Variants in AGAP1 observed in about 807,000 individuals in gnomAD.
The protein encoded by AGAP1 is arf-GAP with GTPase, ANK repeat and PH domain-containing protein 1.
In AGAP1, 29 loss-of-function variants were observed where a neutral mutation model predicts 105.3. The ratio of observed to expected loss-of-function variants is 0.28; its 90% confidence interval spans 0.21 to 0.38. The LOEUF is 0.38. Ranked by LOEUF, AGAP1 falls within the 10% of genes least tolerant of loss-of-function variation. The probability of loss-of-function intolerance (pLI) is 1.00; values close to 1 mark genes in which losing one functional copy is unlikely to be tolerated. For synonymous variants in AGAP1, 509 were observed against 485.9 expected (o/e 1.05, Z -0.63); for missense variants, 998 against 1,165.1 (o/e 0.86, Z 2.09).
At chr2:235,638,487 G>A (rs966015181) in intron 1 of AGAP1, among the ~76,000 whole-genome samples, 8 of 152,180 alleles carry the variant, frequency 5.3e-5, no homozygotes, top group African/African-American at 1.7e-4. Flanking sequence ...TCACAATGGC[G>A]ATGGAAAATG....
At chr2:236,048,300 T>G (rs926392960) in intron 15 of AGAP1, among the ~76,000 whole-genome samples, 2 of 152,300 alleles carry the variant, frequency 1.3e-5, no homozygotes, top group Admixed American at 1.3e-4. Context: ...AGTTCTGGGG[T>G]CCCAGTGCTG....
intron 1 of AGAP1, among the ~76,000 whole-genome samples, chr2:235,593,884 A>T (rs944984334): frequency 6.6e-6 from 1 of 152,124 alleles, no homozygotes; most frequent in Non-Finnish European, 1.5e-5. Flanking sequence ...TAGGAGGATC[A>T]CTTGAGCCCC....
chr2:235,657,880 A>G (rs1393514767), intron 1 of AGAP1, among the ~76,000 whole-genome samples: 2 of 152,196 alleles, frequency 1.3e-5, no homozygotes, highest in African/African-American at 4.8e-5. Flanking sequence ...TGTCCTTATA[A>G]GAAGAGGAGA....
chr2:235,915,356 A>T (rs2051821763), intron 11 of AGAP1, among the ~76,000 whole-genome samples: 1 of 152,232 alleles, frequency 6.6e-6, no homozygotes, highest in South Asian at 2.1e-4. Flanking sequence ...GTTATTAATG[A>T]TACTCATAAA....
rs536808644 is a variant in AGAP1 at position 236,009,590 on chromosome 2, C to T, written c.1646-26971C>T. Among the ~76,000 whole-genome samples the T allele has an allele frequency of 8.1e-4, 124 of 152,256 alleles. 1 individual carries two copies. The highest frequency in any genetic ancestry group is 6.8e-3 in the Middle Eastern group (2 of 294). ...TTCTTAGAGGTACAAATTTACGCTC[C>T]CTTCTATGAATAGAGAGGGCTATTT... is the stretch of plus-strand genomic sequence containing the variant. On this transcript the variant is annotated intron_variant, in intron 13 of 17. Coordinates refer to ENST00000304032, the MANE Select transcript of AGAP1 (RefSeq NM_001037131.3). The surrounding 1 kb of genome is among the most constrained non-coding windows in gnomAD (Gnocchi z 4.2).
At chr2:235,644,774 C>G (rs982516087) in intron 1 of AGAP1, among the ~76,000 whole-genome samples, 3 of 152,122 alleles carry the variant, frequency 2.0e-5, no homozygotes, top group Non-Finnish European at 4.4e-5. Context: ...GATTGGGAAC[C>G]CCTGTTACTG....
Position 236,130,542 on chromosome 2 carries a change from C to T in AGAP1, c.*6420C>T, listed in dbSNP as rs915247798. 1.3e-5 allele frequency: 2 copies of T among 152,172 alleles called. No individual in the cohort carries two copies. The highest frequency in any genetic ancestry group is 4.8e-5 in the African/African-American group (2 of 41,406). 9.4% of individuals were successfully genotyped at this position (152,172 alleles called of 1,614,324 possible). On this transcript the variant is annotated 3_prime_UTR_variant, in exon 18 of 18. Coordinates refer to ENST00000304032, the MANE Select transcript of AGAP1 (RefSeq NM_001037131.3). This position sits in a 1 kb window ranked among gnomAD's most constrained non-coding sequence, Gnocchi z 5.8. ...CTGGTGCTGAACAGTCTACACTGGCCCAGGAAGCTAACGTCTGAGCCGCTT... is the reference window on the plus strand; with the variant it reads ...CTGGTGCTGAACAGTCTACACTGGCTCAGGAAGCTAACGTCTGAGCCGCTT...
At chr2:235,841,510 T>G (rs536734471) in intron 9 of AGAP1, among the ~76,000 whole-genome samples, 2 of 151,996 alleles carry the variant, frequency 1.3e-5, no homozygotes, top group Non-Finnish European at 2.9e-5. Flanking sequence ...GCACCTGTGG[T>G]CCCAGCTACT....
In AGAP1 at chr2:236,120,445, T is replaced by G; in HGVS notation, c.2368T>G (p.Trp790Gly). 1 of 1,611,296 alleles carries G rather than the reference T, an allele frequency of 6.2e-7. No homozygotes were observed. Among genetic ancestry groups the G allele is most frequent in the South Asian group, 1.1e-5 (1 of 90,982 alleles). Residue 790 changes from tryptophan to glycine, a missense_variant and splice_region_variant, in exon 17 of 18, where the codon TGG becomes GGG. Transcript: ENST00000304032. The surrounding 1 kb of genome is among the most constrained non-coding windows in gnomAD (Gnocchi z 6.0). ...GNVVLAQLLI[W>G]YGVDVTARDA... ...TGTGGTCCTGGCGCAGCTCCTGATCTGGGTAGGTGGTCGGCACGCCTGGCA... is the reference window on the plus strand; with the variant it reads ...TGTGGTCCTGGCGCAGCTCCTGATCGGGGTAGGTGGTCGGCACGCCTGGCA...
chr2:235,641,555 C>G (rs1300978161), intron 1 of AGAP1, among the ~76,000 whole-genome samples: 1 of 152,192 alleles, frequency 6.6e-6, no homozygotes, highest in African/African-American at 2.4e-5. Context: ...CCCGTCTGTG[C>G]CTGTGGGCTC....
chr2:235,519,191 G>T (rs541038396), intron 1 of AGAP1, among the ~76,000 whole-genome samples: 1 of 152,030 alleles, frequency 6.6e-6, no homozygotes. Context: ...TCCCACCTCA[G>T]CCTCCCAGGT....
intron 1 of AGAP1, among the ~76,000 whole-genome samples, chr2:235,532,332 TC>T (rs1943071772): frequency 6.6e-6 from 1 of 152,224 alleles, no homozygotes; most frequent in South Asian, 2.1e-4. Context: ...TCCTCTCACC[TC>T]CACCTCCCAA....
intron 12 of AGAP1, among the ~76,000 whole-genome samples, chr2:235,949,459 A>G (rs2053638333): frequency 6.6e-6 from 1 of 152,108 alleles, no homozygotes; most frequent in Non-Finnish European, 1.5e-5. Context: ...GAAATTCCTG[A>G]TTATGCCACC....
rs1261804754 is a variant in AGAP1, at chr2:236,056,844, A to G, written c.2114+7563A>G. Among the ~76,000 whole-genome samples, 1 of 152,104 alleles carries G rather than the reference A, an allele frequency of 6.6e-6. No individual in the cohort carries two copies. The highest frequency in any genetic ancestry group is 1.5e-5 in the Non-Finnish European group (1 of 68,024). On this transcript the variant is annotated intron_variant, in intron 16 of 17. Coordinates refer to ENST00000304032, the MANE Select transcript of AGAP1 (RefSeq NM_001037131.3). The surrounding 1 kb of genome is among the most constrained non-coding windows in gnomAD (Gnocchi z 4.6). ...TGCAGGCACCAAGATCTGACTCCAGATGCCGCTCTGCAGTCCTGCTGCTGC... is the reference window on the plus strand; with the variant it reads ...TGCAGGCACCAAGATCTGACTCCAGGTGCCGCTCTGCAGTCCTGCTGCTGC...
Position 235,877,469 on chromosome 2 carries a change from C to T in AGAP1, c.1051-5876C>T, listed in dbSNP as rs1021878072. On this transcript the variant is annotated intron_variant, in intron 9 of 17. Transcript: ENST00000304032. The surrounding 1 kb of genome is among the most constrained non-coding windows in gnomAD (Gnocchi z 4.3). The stretch of plus-strand genomic sequence containing the variant: ...TATCACGTGGTGACCCCAGTCTCTT[C>T]CTTTCCTGCTTTCATACTGAGAAAT... Among the ~76,000 whole-genome samples, 3 of 152,094 alleles carry T rather than the reference C, an allele frequency of 2.0e-5. No individual in the cohort carries two copies. Among genetic ancestry groups the T allele is most frequent in the African/African-American group, 4.8e-5 (2 of 41,432 alleles).
chr2:235,613,670 T>C (rs1406108118), intron 1 of AGAP1, among the ~76,000 whole-genome samples: 1 of 152,196 alleles, frequency 6.6e-6, no homozygotes, highest in Non-Finnish European at 1.5e-5. Flanking sequence ...GGAAAATAAA[T>C]CACAGATAAC....
In AGAP1 at chr2:235,992,241, G is replaced by A. The variant is rs1167542696; in HGVS notation, c.1645+23618G>A. Among the ~76,000 whole-genome samples, 1 of 152,208 alleles carries A rather than the reference G, an allele frequency of 6.6e-6. No homozygotes were observed. The highest frequency in any genetic ancestry group is 1.5e-5 in the Non-Finnish European group (1 of 68,016). ...CATGTTGCGTGGTTAGGAGCGCAGCGGAGGAGCCGGTCTTCCTGGGTTTGA... is the reference window on the plus strand; with the variant it reads ...CATGTTGCGTGGTTAGGAGCGCAGCAGAGGAGCCGGTCTTCCTGGGTTTGA... On this transcript the variant is annotated intron_variant, in intron 13 of 17. Coordinates refer to ENST00000304032, the MANE Select transcript of AGAP1 (RefSeq NM_001037131.3). The surrounding 1 kb of genome is among the most constrained non-coding windows in gnomAD (Gnocchi z 4.8).
rs1254550967 is a variant in AGAP1, at chr2:235,690,270, T to C, written c.164-18909T>C. Among the ~76,000 whole-genome samples, 1 of 152,110 alleles carries C rather than the reference T, an allele frequency of 6.6e-6. No individual in the cohort carries two copies. The highest frequency in any genetic ancestry group is 1.5e-5 in the Non-Finnish European group (1 of 68,014). On this transcript the variant is annotated intron_variant, in intron 1 of 17. Transcript: ENST00000304032. This position sits in a 1 kb window ranked among gnomAD's most constrained non-coding sequence, Gnocchi z 4.1. ...TGGAATGTTGAGCTAAAAGGGACTC[T>C]GACCCTCCCTCCGCACCCCACCCTT... is the stretch of plus-strand genomic sequence containing the variant.
At position 236,105,489 on chromosome 2, in the gene AGAP1, A is replaced by G. The variant is rs1037605223; in HGVS notation, c.2115-14703A>G. 2.0e-5 allele frequency among the ~76,000 whole-genome samples: 3 copies of G among 151,054 alleles called. No homozygotes were observed. Among genetic ancestry groups the G allele is most frequent in the South Asian group, 4.2e-4 (2 of 4,778 alleles). ...GGTGAGGGGCCTCTTCCTGGCTTAT[A>G]GACAGATGCCTCTTGCAGTGTCCTC... On this transcript the variant is annotated intron_variant, in intron 16 of 17. Coordinates refer to ENST00000304032, the MANE Select transcript of AGAP1 (RefSeq NM_001037131.3). The surrounding 1 kb of genome is among the most constrained non-coding windows in gnomAD (Gnocchi z 4.2).
Sources: gnomAD v4.1 joint callset for allele counts (sites outside exome capture counted in the v4.1 genomes callset) on GRCh38, gnomAD v4.1.1 for gene constraint, Gnocchi (gnomAD v3.1) non-coding constraint, MANE v1.5 for transcripts, NCBI Gene and HGNC (gene_info 2026-07-23, HGNC 2026-07-21) for gene names.